The following VPS13D variants were observed in gnomAD, a reference collection of about 807,000 sequenced individuals.
VPS13D encodes vacuolar protein sorting 13 homolog D, also known as intermembrane lipid transfer protein VPS13D.
VPS13D carries 187 observed loss-of-function variants against 461.9 expected under a neutral mutation model. The ratio of observed to expected loss-of-function variants is 0.40; its 90% CI spans 0.36 to 0.46. The LOEUF (loss-of-function observed/expected upper bound fraction) is 0.46, where lower values mean the gene tolerates loss of function less well. VPS13D is among the 20% of genes least tolerant of loss of function. The pLI is 0.60. For synonymous variants in VPS13D, 1,951 were observed against 1,986.3 expected (o/e 0.98, Z 0.47); for missense variants, 4,711 against 5,364.9 (o/e 0.88, Z 3.81).
chr1:12,419,767 ACAC>A (rs961865080), intron 65 of VPS13D, among the ~76,000 whole-genome samples: 4 of 152,170 alleles, frequency 2.6e-5, no homozygotes, highest in African/African-American at 9.7e-5. Context: ...TGAGGGACAA[ACAC>A]CATACTATAT....
At chr1:12,245,537 C>G (rs1353951252) in intron 5 of VPS13D, among the ~76,000 whole-genome samples, 4 of 152,018 alleles carry the variant, frequency 2.6e-5, no homozygotes, top group Non-Finnish European at 5.9e-5. Context: ...CTAAATAATT[C>G]CAGAACATTT....
chr1:12,301,892 C>T (rs1488621302), intron 25 of VPS13D, among the ~76,000 whole-genome samples: 1 of 152,164 alleles, frequency 6.6e-6, no homozygotes, highest in Non-Finnish European at 1.5e-5. Context: ...GGGACTAAGA[C>T]CAAATACAGT....
intron 54 of VPS13D, among the ~76,000 whole-genome samples, chr1:12,373,248 G>A (rs2101633209): frequency 6.6e-6 from 1 of 151,646 alleles, no homozygotes; most frequent in South Asian, 2.1e-4. Context: ...TGCCTCGTGA[G>A]TAACTGGGAT....
chr1:12,372,274 T>C (rs550765558), intron 54 of VPS13D, among the ~76,000 whole-genome samples: 6 of 152,236 alleles, frequency 3.9e-5, no homozygotes, highest in Middle Eastern at 3.4e-3. Context: ...TTGCCCAGGC[T>C]GGTCTCAAAC....
chr1:12,356,251 A>G (rs1643884847), intron 48 of VPS13D, 147 bp from the exon 49 acceptor site: 3 of 1,391,296 alleles, frequency 2.2e-6, no homozygotes, highest in Non-Finnish European at 2.9e-6. Context: ...TCATGCTCAA[A>G]ACTGTCTTTT....
chr1:12,482,734 ATACAC>A (rs1258259160), intron 67 of VPS13D, among the ~76,000 whole-genome samples: 1 of 141,444 alleles, frequency 7.1e-6, no homozygotes, highest in South Asian at 2.4e-4. Flanking sequence ...ATATGTGTAT[ATACAC>A]TAGTATACAT....
At chr1:12,428,265 G>A (rs935546074) in intron 65 of VPS13D, among the ~76,000 whole-genome samples, 19 of 152,330 alleles carry the variant, frequency 1.2e-4, no homozygotes, top group African/African-American at 4.6e-4. Flanking sequence ...TCCTGAAGTA[G>A]TGATGTGGAG....
intron 63 of VPS13D, among the ~76,000 whole-genome samples, chr1:12,405,538 A>G (rs1398438139): frequency 6.6e-6 from 1 of 152,156 alleles, no homozygotes; most frequent in Non-Finnish European, 1.5e-5. Context: ...GGGGACCTGG[A>G]GCAGGAATGG....
chr1:12,415,672 G>T (rs1360361614), intron 64 of VPS13D, among the ~76,000 whole-genome samples: 3 of 152,020 alleles, frequency 2.0e-5, no homozygotes, highest in African/African-American at 7.2e-5. Flanking sequence ...AGATCAAAAA[G>T]TAAAGGCAAG....
At chr1:12,463,766 A>C (rs1645443599) in intron 67 of VPS13D, among the ~76,000 whole-genome samples, 1 of 152,198 alleles carries the variant, frequency 6.6e-6, no homozygotes, top group Non-Finnish European at 1.5e-5. Context: ...AGGAAAGAGA[A>C]CACTTGATCT....
rs754775335 is a variant in VPS13D, at chr1:12,342,886, G to A, written c.8733-13G>A. 1 of 1,604,882 alleles carries A rather than the reference G, an allele frequency of 6.2e-7. No homozygotes were observed. Among genetic ancestry groups the A allele is most frequent in the South Asian group, 1.1e-5 (1 of 90,122 alleles). On this transcript the variant is annotated splice_polypyrimidine_tract_variant and intron_variant, in intron 41 of 69. Transcript: ENST00000620676. Reference sequence around the variant, plus strand: ...AAACAGGGACAGGCTGATGTCATCTGATTTGGTTCCAGAGCTGCACTCTCT... The same window carrying A: ...AAACAGGGACAGGCTGATGTCATCTAATTTGGTTCCAGAGCTGCACTCTCT...
rs192855928 is a variant in VPS13D at position 12,368,525 on chromosome 1, G to T, written c.10506G>T (p.Thr3502=). 32 of 1,613,868 alleles carry T rather than the reference G, an allele frequency of 2.0e-5. 1 individual carries two copies. The Admixed American group carries it at 3.2e-4, about 16-fold the overall frequency. The change falls in exon 53 of 70, where the codon ACG becomes ACT. Residue 3502 remains threonine (T), a synonymous_variant. Coordinates refer to ENST00000620676, the MANE Select transcript of VPS13D (RefSeq NM_015378.4). ...LRVEITLRGA[T]YRISFSDTDQ... is the part of the protein sequence containing the mutation. ...TGGAAATTACTCTCCGAGGAGCTAC[G>T]TATAGGATCTCATTTAGTGACACAG...
rs1557729789 is a variant in VPS13D at position 12,356,417 on chromosome 1, A to G, written c.9891A>G (p.Arg3297=). ...INKTGLPLIF[R]QDNAKTDAAG... ...CTAAAGGGTTGCCACTGATCTTCAG[A>G]CAGGACAATGCCAAGACAGATGCTG... is the stretch of plus-strand genomic sequence containing the variant. Residue 3297 remains arginine (R), a synonymous_variant, in exon 49 of 70, where the codon AGA becomes AGG. Transcript: ENST00000620676. 1.2e-6 allele frequency: 2 copies of G among 1,613,862 alleles called. No homozygotes were observed. The highest frequency in any genetic ancestry group is 1.7e-6 in the Non-Finnish European group (2 of 1,179,980).
At chr1:12,285,304 T>TTTTTGAGACGGAGTC (rs1641933559) in intron 21 of VPS13D, among the ~76,000 whole-genome samples, 1 of 149,666 alleles carries the variant, frequency 6.7e-6, no homozygotes, top group Non-Finnish European at 1.5e-5. Context: ...TTATTTTTTT[T>TTTTTGAGACGGAGTC]TTTTGAGACG....
intron 6 of VPS13D, among the ~76,000 whole-genome samples, chr1:12,249,857 A>T (rs170956): frequency 0.041 from 6,292 of 152,288 alleles, 249 homozygotes; most frequent in African/African-American, 0.11. Context: ...AGTTCTCCAC[A>T]TATCAACTCA....
intron 67 of VPS13D, among the ~76,000 whole-genome samples, chr1:12,468,588 T>A (rs1363884373): frequency 4.6e-5 from 7 of 152,242 alleles, no homozygotes; most frequent in Admixed American, 1.3e-4. Context: ...GTGGGTGTTA[T>A]AATTCACCCG....
chr1:12,276,736 G>A lies in VPS13D; in HGVS notation c.3148G>A (p.Ala1050Thr), dbSNP rs1641625898. Residue 1050 changes from alanine to threonine, a missense_variant, in exon 19 of 70, where the codon GCC (alanine) becomes ACC (threonine). Coordinates refer to ENST00000620676, the MANE Select transcript of VPS13D (RefSeq NM_015378.4). The surrounding 1 kb of genome is among the most constrained non-coding windows in gnomAD (Gnocchi z 4.5). The part of the protein sequence containing the change: ...AQSPVSGPNV[A>T]HLTDGATLND... The stretch of plus-strand genomic sequence containing the variant: ...GTCTCCTGTCTCTGGACCGAATGTG[G>A]CCCACTTAACTGATGGAGCTACACT... 1 of 1,614,000 alleles carries A rather than the reference G, an allele frequency of 6.2e-7. No homozygotes were observed. The highest frequency in any genetic ancestry group is 8.5e-7 in the Non-Finnish European group (1 of 1,180,042).
Position 12,321,971 on chromosome 1 carries a change from A to T in VPS13D, c.7704+7A>T. On this transcript the variant is annotated splice_region_variant and intron_variant, in intron 33 of 69. Transcript: ENST00000620676. ...TTTCCCACCTGTCCTGGAGGTAATG[A>T]TGCAAAATCTGTGCAATACGTTGAT... 6.2e-7 allele frequency: 1 copy of T among 1,613,352 alleles called. No homozygotes were observed. The highest frequency in any genetic ancestry group is 8.5e-7 in the Non-Finnish European group (1 of 1,179,728).
At chr1:12,500,020 A>G in intron 68 of VPS13D, 1 of 985,348 alleles carries the variant, frequency 1.0e-6, no homozygotes, top group Non-Finnish European at 1.2e-6. Flanking sequence ...TACTGTTCTG[A>G]CTAAATGTTT....
Sources: allele counts gnomAD v4.1 joint callset (sites outside exome capture counted in the v4.1 genomes callset), GRCh38; gene constraint gnomAD v4.1.1; non-coding constraint Gnocchi (gnomAD v3.1); transcripts MANE v1.5; gene names NCBI Gene and HGNC (gene_info 2026-07-23, HGNC 2026-07-21).